The following THRAP3 variants were observed in gnomAD, a reference collection of about 807,000 sequenced individuals.
THRAP3 encodes the protein thyroid hormone receptor-associated protein 3.
Under a neutral mutation model 101.0 loss-of-function variants are expected in THRAP3, and 16 were observed. The observed-to-expected ratio is 0.16, with a 90% confidence interval of 0.11 to 0.24. The LOEUF (loss-of-function observed/expected upper bound fraction) is 0.24, where lower values mean the gene tolerates loss of function less well. Among genes scored for constraint, THRAP3 ranks in the 10% least tolerant of loss-of-function variants. THRAP3 has a pLI of 1.00. For missense variants in THRAP3, 989 were observed against 1,202.7 expected, an observed-to-expected ratio of 0.82 and a Z score of 2.63; for synonymous variants, 407 against 422.6, an observed-to-expected ratio of 0.96 and a Z score of 0.45.
At chr1:36,285,746 T>C (rs1404399296) in intron 3 of THRAP3, among the ~76,000 whole-genome samples, 1 of 152,234 alleles carries the variant, frequency 6.6e-6, no homozygotes, top group Non-Finnish European at 1.5e-5. Context: ...GTTTTGCTTA[T>C]GTGATTTTAG....
chr1:36,287,902 G>C, intron 4 of THRAP3: 2 of 985,426 alleles, frequency 2.0e-6, no homozygotes, highest in South Asian at 4.7e-5. Flanking sequence ...TTGTTTGTAT[G>C]GTTGGATGGA....
chr1:36,252,955 TATATATATATATATAA>T (rs1645325382), intron 1 of THRAP3, among the ~76,000 whole-genome samples: 2 of 128,284 alleles, frequency 1.6e-5, no homozygotes, highest in South Asian at 4.8e-4. Context: ...TATATATATA[TATATATATATATATAA>T]ATGTAAATAA....
chr1:36,246,028 T>C (rs1645227033), intron 1 of THRAP3, among the ~76,000 whole-genome samples: 1 of 152,180 alleles, frequency 6.6e-6, no homozygotes, highest in African/African-American at 2.4e-5. Flanking sequence ...ATGATTATAA[T>C]CTGCATTTTA....
At position 36,286,223 on chromosome 1, in the gene THRAP3, TG is replaced by T; in HGVS notation, c.138-142del. The T allele has an allele frequency of 1.4e-6, 1 of 732,530 alleles. No individual in the cohort carries two copies. Among genetic ancestry groups the T allele is most frequent in the Non-Finnish European group, 2.2e-6 (1 of 449,010 alleles). The allele number at this position is 732,530 out of a possible 1,614,324, so 45.4% of individuals were successfully genotyped here. ...TGTACTTAGTAAGGGCCATACGTAG[TG>T]GGATTAAATATTTGTGCCCTTGCTT... On this transcript the variant is annotated intron_variant, in intron 3 of 11. Coordinates refer to ENST00000354618, the MANE Select transcript of THRAP3 (RefSeq NM_005119.4). This position sits in a 1 kb window ranked among gnomAD's most constrained non-coding sequence, Gnocchi z 5.5.
upstream of THRAP3, among the ~76,000 whole-genome samples, chr1:36,220,686 G>T (rs1644898141): frequency 6.6e-6 from 1 of 152,092 alleles, no homozygotes; most frequent in South Asian, 2.1e-4. Context: ...GGGCACAGTG[G>T]CTCACGCCTG....
intron 9 of THRAP3, among the ~76,000 whole-genome samples, chr1:36,298,078 A>G (rs1486108053): frequency 2.9e-5 from 4 of 136,532 alleles, no homozygotes; most frequent in Admixed American, 8.3e-5. Context: ...ACCTGGGAGG[A>G]GGAGGTTGCA....
rs148413712 is a variant in THRAP3, at chr1:36,286,890, G to A, written c.660G>A (p.Ser220=). The change falls in exon 4 of 12, where the codon TCG becomes TCA. Residue 220 remains serine (S), a synonymous_variant. Coordinates refer to ENST00000354618, the MANE Select transcript of THRAP3 (RefSeq NM_005119.4). The surrounding 1 kb of genome is among the most constrained non-coding windows in gnomAD (Gnocchi z 5.5). ...AAGATACAAAAGCATCTGAGAGCTC[G>A]AAGCCATGGCCAGATGCCACCTACG... The part of the protein sequence containing the change: ...TSQDTKASES[S]KPWPDATYGT... 4.3e-6 allele frequency: 7 copies of A among 1,613,944 alleles called. No homozygotes were observed. In the African/African-American group the frequency reaches 6.7e-5, roughly 15 times the overall value.
chr1:36,212,511 C>A, the THRAP3 span, among the ~76,000 whole-genome samples: 1 of 150,580 alleles, frequency 6.6e-6, no homozygotes, highest in Admixed American at 6.7e-5. Context: ...ACCTCCACCT[C>A]CTGCGTTCGA....
At chr1:36,244,256 C>CT (rs1470085317) in intron 1 of THRAP3, among the ~76,000 whole-genome samples, 1 of 152,084 alleles carries the variant, frequency 6.6e-6, no homozygotes, top group Admixed American at 6.5e-5. Context: ...GGATAGGCAT[C>CT]TTTTTAATTT....
At chr1:36,220,871 C>G (rs900974216), upstream of THRAP3, among the ~76,000 whole-genome samples, 10 of 148,110 alleles carry the variant, frequency 6.8e-5, no homozygotes, top group African/African-American at 2.3e-4. Flanking sequence ...AGGAGGATCG[C>G]TTGAACCCGG....
chr1:36,228,369 C>T (rs1465247754), intron 1 of THRAP3, among the ~76,000 whole-genome samples: 1 of 152,224 alleles, frequency 6.6e-6, no homozygotes, highest in Admixed American at 6.5e-5. Context: ...AGGCATCCGC[C>T]ACTATGTCCA....
At chr1:36,245,198 ACT>A (rs994412446) in intron 1 of THRAP3, among the ~76,000 whole-genome samples, 6 of 132,622 alleles carry the variant, frequency 4.5e-5, no homozygotes, top group Admixed American at 8.0e-5. Context: ...ACAGAATCTC[ACT>A]CTGTTGCCCG....
chr1:36,293,294 G>A (rs977662320), intron 7 of THRAP3, among the ~76,000 whole-genome samples: 2 of 152,140 alleles, frequency 1.3e-5, no homozygotes, highest in Non-Finnish European at 2.9e-5. Flanking sequence ...CTCCCAAAGT[G>A]CTGGGATTAC....
intron 1 of THRAP3, among the ~76,000 whole-genome samples, chr1:36,258,413 T>C (rs990497583): frequency 2.0e-5 from 3 of 152,156 alleles, no homozygotes; most frequent in African/African-American, 7.2e-5. Context: ...CATACCGACA[T>C]TGTTATTTGG....
intron 1 of THRAP3, among the ~76,000 whole-genome samples, chr1:36,249,172 C>T (rs976059952): frequency 3.3e-5 from 5 of 150,226 alleles, no homozygotes; most frequent in African/African-American, 7.3e-5. Context: ...TGCAAGCCAC[C>T]GCACCCAGCC....
chr1:36,262,267 A>G (rs1187225550), intron 2 of THRAP3, among the ~76,000 whole-genome samples: 2 of 152,188 alleles, frequency 1.3e-5, no homozygotes, highest in African/African-American at 4.8e-5. Context: ...GATCAGCCAC[A>G]TTTCACGTGC....
At chr1:36,297,605 C>T (rs1020863172) in intron 9 of THRAP3, among the ~76,000 whole-genome samples, 1 of 151,866 alleles carries the variant, frequency 6.6e-6, no homozygotes, top group East Asian at 2.0e-4. Context: ...CCCACTACCA[C>T]GCCCAGCTAA....
intron 1 of THRAP3, among the ~76,000 whole-genome samples, chr1:36,226,176 A>G (rs1392015969): frequency 8.5e-5 from 13 of 152,140 alleles, no homozygotes. Flanking sequence ...GAGGAATTGG[A>G]GGGAGGAAGC....
chr1:36,249,685 AGTGT>A lies in THRAP3; in HGVS notation c.-134-9665_-134-9662del, dbSNP rs66759336. Among the ~76,000 whole-genome samples, 679 of 138,206 alleles carry A rather than the reference AGTGT, an allele frequency of 4.9e-3. 2 individuals carry two copies. The highest frequency in any genetic ancestry group is 0.032 in the East Asian group (147 of 4,644). 90.7% of individuals were successfully genotyped at this position (138,206 alleles called of 152,430 possible). On this transcript the variant is annotated intron_variant, in intron 1 of 11. Transcript: ENST00000354618. ...TTTCGAATAAGCGAAGCAGGTGGTG[AGTGT>A]GTGTGTGTGTGTGTGTGTGTGTGTG...
Sources: allele counts gnomAD v4.1 joint callset (sites outside exome capture counted in the v4.1 genomes callset), GRCh38; gene constraint gnomAD v4.1.1; non-coding constraint Gnocchi (gnomAD v3.1); transcripts MANE v1.5; gene names NCBI Gene and HGNC (gene_info 2026-07-23, HGNC 2026-07-21).